Variants in COMMD6 observed in about 807,000 individuals in gnomAD.
COMMD6 encodes COMM domain-containing protein 6.
In COMMD6, 11 loss-of-function variants were observed where a neutral mutation model predicts 13.4. The ratio of observed to expected loss-of-function variants is 0.82; its 90% CI spans 0.52 to 1.36. The LOEUF (loss-of-function observed/expected upper bound fraction) is 1.36. Ranked by LOEUF, COMMD6 falls within the 40% of genes most tolerant of loss-of-function variation. COMMD6 has a pLI of 0.00. For missense variants in COMMD6, 124 were observed against 102.4 expected, an observed-to-expected ratio of 1.21 and a Z score of -0.91; for synonymous variants, 43 against 36.5, an observed-to-expected ratio of 1.18 and a Z score of -0.64.
Position 75,526,402 on chromosome 13 carries a change from T to C in COMMD6, c.*187A>G, listed in dbSNP as rs908282093. The C allele has an allele frequency of 3.4e-5, 17 of 503,254 alleles. No individual in the cohort carries two copies. The highest frequency in any genetic ancestry group is 2.9e-4 in the African/African-American group (15 of 51,166). The allele number at this position is 503,254 out of a possible 1,614,324, so 31.2% of individuals were successfully genotyped here. Reference sequence around the variant, plus strand: ...CTAATTATCACTTTTATAAAGCACATTCACAAAGTTTTGCATTCATCACCA... The same window carrying C: ...CTAATTATCACTTTTATAAAGCACACTCACAAAGTTTTGCATTCATCACCA... On this transcript the variant is annotated 3_prime_UTR_variant, in exon 4 of 4. Transcript: ENST00000682242.
chr13:75,547,885 C>G (rs2030931509), intron 1 of COMMD6, among the ~76,000 whole-genome samples: 1 of 152,212 alleles, frequency 6.6e-6, no homozygotes, highest in South Asian at 2.1e-4. Flanking sequence ...AGAATATACA[C>G]TTGGGAATAC....
chr13:75,529,429 G>A (rs1002439798), intron 3 of COMMD6, among the ~76,000 whole-genome samples: 6 of 151,010 alleles, frequency 4.0e-5, no homozygotes, highest in Admixed American at 1.3e-4. Context: ...GCTGAGGCAG[G>A]AGAATGGCGT....
At chr13:75,548,256 C>T (rs1416310937) in intron 1 of COMMD6, among the ~76,000 whole-genome samples, 2 of 152,188 alleles carry the variant, frequency 1.3e-5, no homozygotes. Flanking sequence ...TGGACACTGC[C>T]AGTTTTACCA....
At chr13:75,543,383 A>G (rs1355791060), upstream of COMMD6, among the ~76,000 whole-genome samples, 1 of 152,228 alleles carries the variant, frequency 6.6e-6, no homozygotes, top group African/African-American at 2.4e-5. Context: ...ACTCTCCCTT[A>G]TATCTCCCAA....
chr13:75,534,541 G>GA (rs1315215891), intron 2 of COMMD6, among the ~76,000 whole-genome samples: 1 of 152,054 alleles, frequency 6.6e-6, no homozygotes, highest in Non-Finnish European at 1.5e-5. Context: ...GAATATAAAA[G>GA]AAAAAATCAG....
In COMMD6 at chr13:75,537,648, G is replaced by A. The variant is rs116744134; in HGVS notation, c.54+16C>T. ...GCAGGCTGGCGGAGGACAGGGCGGG[G>A]CGGCCGCTCACCCACCTGGTTGGTG... On this transcript the variant is annotated intron_variant, in intron 2 of 3. Transcript: ENST00000682242. 1,537 of 1,613,858 alleles carry A rather than the reference G, an allele frequency of 9.5e-4. 16 individuals carry two copies. In the African/African-American group the frequency reaches 0.019, roughly 20 times the overall value.
chr13:75,531,624 CACCTT>C (rs1434145142), intron 2 of COMMD6, among the ~76,000 whole-genome samples: 2 of 152,170 alleles, frequency 1.3e-5, no homozygotes, highest in Non-Finnish European at 2.9e-5. Context: ...AAAATGTGCT[CACCTT>C]AAGAAACAAG....
chr13:75,536,549 G>A (rs1183033039), intron 2 of COMMD6, among the ~76,000 whole-genome samples: 1 of 152,168 alleles, frequency 6.6e-6, no homozygotes, highest in Non-Finnish European at 1.5e-5. Context: ...CCTTATAAGA[G>A]GGAGGAAAAA....
At chr13:75,535,397 C>T (rs993414162) in intron 2 of COMMD6, among the ~76,000 whole-genome samples, 4 of 152,170 alleles carry the variant, frequency 2.6e-5, no homozygotes, top group Admixed American at 6.5e-5. Context: ...TCATCCAGAC[C>T]GCCAGGTGAG....
intron 1 of COMMD6, among the ~76,000 whole-genome samples, chr13:75,546,487 T>C (rs1208014183): frequency 6.6e-6 from 1 of 152,212 alleles, no homozygotes; most frequent in Admixed American, 6.5e-5. Context: ...TCACAAGTAC[T>C]CTTGTTAAGG....
rs886796264 is a variant in COMMD6 at position 75,526,055 on chromosome 13, G to T, written c.*534C>A. Reference sequence around the variant, plus strand: ...AATAATTGAATGCTAGACTAATACTGTGTAAAGGAGCAATGGTCAATCTTA... The same window carrying T: ...AATAATTGAATGCTAGACTAATACTTTGTAAAGGAGCAATGGTCAATCTTA... On this transcript the variant is annotated 3_prime_UTR_variant, in exon 4 of 4. Transcript: ENST00000682242. 1 of 152,200 alleles carries T rather than the reference G, an allele frequency of 6.6e-6. No individual in the cohort carries two copies. Among genetic ancestry groups the T allele is most frequent in the Non-Finnish European group, 1.5e-5 (1 of 68,062 alleles). The allele number at this position is 152,200 out of a possible 1,614,324, so 9.4% of individuals were successfully genotyped here.
chr13:75,535,482 G>A (rs2030633769), intron 2 of COMMD6, among the ~76,000 whole-genome samples: 1 of 152,204 alleles, frequency 6.6e-6, no homozygotes. Flanking sequence ...ATGGCGGCTT[G>A]GACCCAGGTG....
chr13:75,529,984 T>C, intron 3 of COMMD6, 130 bp downstream of exon 3: 2 of 667,098 alleles, frequency 3.0e-6, no homozygotes, highest in Non-Finnish European at 5.1e-6. Flanking sequence ...CATATACTAC[T>C]AGTAAACGTA....
chr13:75,528,028 CACACAT>C (rs1476352302), intron 3 of COMMD6, among the ~76,000 whole-genome samples: 11 of 143,036 alleles, frequency 7.7e-5, no homozygotes, highest in Non-Finnish European at 3.1e-5. Flanking sequence ...CACACACACA[CACACAT>C]ACATGCACAC....
At chr13:75,539,338 A>G (rs890838703), upstream of COMMD6, among the ~76,000 whole-genome samples, 1 of 152,052 alleles carries the variant, frequency 6.6e-6, no homozygotes, top group African/African-American at 2.4e-5. Context: ...TCCCAGGTTC[A>G]AACAATTCTC....
intron 2 of COMMD6, among the ~76,000 whole-genome samples, chr13:75,532,209 T>C (rs951270119): frequency 1.3e-5 from 2 of 152,190 alleles, no homozygotes; most frequent in Non-Finnish European, 2.9e-5. Flanking sequence ...CTTTTGCTTG[T>C]GGTTACACGA....
intron 1 of COMMD6, among the ~76,000 whole-genome samples, chr13:75,546,406 GT>G (rs1296502232): frequency 3.3e-5 from 5 of 152,160 alleles, no homozygotes; most frequent in Admixed American, 6.5e-5. Context: ...TCAGTTTAAG[GT>G]TGGAGAAATC....
At chr13:75,527,631 G>A (rs1350338676) in intron 3 of COMMD6, among the ~76,000 whole-genome samples, 2 of 151,938 alleles carry the variant, frequency 1.3e-5, no homozygotes, top group Admixed American at 6.6e-5. Flanking sequence ...TATATACTAT[G>A]TATGTGTATA....
intron 3 of COMMD6, among the ~76,000 whole-genome samples, chr13:75,529,240 G>A (rs2030375782): frequency 6.6e-6 from 1 of 152,106 alleles, no homozygotes; most frequent in South Asian, 2.1e-4. Context: ...AGAAAACCTG[G>A]CCGGGCCCGG....
Sources: allele counts gnomAD v4.1 joint callset (sites outside exome capture counted in the v4.1 genomes callset), GRCh38; gene constraint gnomAD v4.1.1; transcripts MANE v1.5; gene names NCBI Gene and HGNC (gene_info 2026-07-23, HGNC 2026-07-21).